CNTNAP2: variants seen among roughly 807,000 people sequenced by gnomAD.
The protein encoded by CNTNAP2 is contactin-associated protein-like 2.
CNTNAP2 carries 98 observed loss-of-function variants against 155.2 expected under a neutral mutation model. The observed-to-expected ratio is 0.63, with a 90% CI of 0.54 to 0.75. CNTNAP2 has a LOEUF of 0.75. Ranked by LOEUF, CNTNAP2 falls within the 30% of genes least tolerant of loss-of-function variation. CNTNAP2 has a pLI of 0.00. For missense variants in CNTNAP2, 1,727 were observed against 1,688.1 expected (o/e 1.02, Z -0.40); for synonymous variants, 651 against 631.2 (o/e 1.03, Z -0.47).
Position 146,572,401 on chromosome 7 carries a change from G to A in CNTNAP2, c.98-201870G>A, listed in dbSNP as rs577855724. ...TTTTTCTTTACAGTCTCAGACTTAG[G>A]GATGTCTTTCTTTGGATAAACTATT... On this transcript the variant is annotated intron_variant, in intron 1 of 23. Coordinates refer to ENST00000361727, the MANE Select transcript of CNTNAP2 (RefSeq NM_014141.6). 2.2e-4 allele frequency among the ~76,000 whole-genome samples: 34 copies of A among 151,778 alleles called. 1 individual carries two copies. The highest frequency in any genetic ancestry group is 1.1e-3 in the Admixed American group (16 of 15,234).
At chr7:147,176,117 T>C (rs1043756974) in intron 8 of CNTNAP2, among the ~76,000 whole-genome samples, 1 of 152,184 alleles carries the variant, frequency 6.6e-6, no homozygotes, top group African/African-American at 2.4e-5. Flanking sequence ...GAAAGGAGCC[T>C]CTCACCTGCA....
chr7:146,259,449 T>G (rs1799887824), intron 1 of CNTNAP2, among the ~76,000 whole-genome samples: 1 of 152,146 alleles, frequency 6.6e-6, no homozygotes, highest in Non-Finnish European at 1.5e-5. Flanking sequence ...ACCAAAATGC[T>G]ATAGTGATAT....
chr7:147,073,138 T>C (rs1003443497), intron 4 of CNTNAP2, among the ~76,000 whole-genome samples: 2 of 124,328 alleles, frequency 1.6e-5, no homozygotes, highest in Non-Finnish European at 3.5e-5. Context: ...TTTTTTTTTT[T>C]AACTTTTATT....
intron 22 of CNTNAP2, among the ~76,000 whole-genome samples, chr7:148,397,577 A>AAAT (rs1799496567): frequency 6.6e-6 from 1 of 152,224 alleles, no homozygotes; most frequent in Admixed American, 6.5e-5. Context: ...CCCTGCTACT[A>AAAT]AATACACTTT....
At chr7:147,225,164 G>C (rs543041508) in intron 8 of CNTNAP2, among the ~76,000 whole-genome samples, 1 of 152,174 alleles carries the variant, frequency 6.6e-6, no homozygotes, top group East Asian at 1.9e-4. Context: ...CAATTTAAAA[G>C]TTCTAAAATA....
At position 146,626,064 on chromosome 7, in the gene CNTNAP2, A is replaced by C. The variant is rs1034040496; in HGVS notation, c.98-148207A>C. ...GTGCTTTTGCTCAAATTTCAATTTCAGAGCTTCAAACTTGTGATACTTATC... is the reference window on the plus strand; with the variant it reads ...GTGCTTTTGCTCAAATTTCAATTTCCGAGCTTCAAACTTGTGATACTTATC... On this transcript the variant is annotated intron_variant, in intron 1 of 23. Coordinates refer to ENST00000361727, the MANE Select transcript of CNTNAP2 (RefSeq NM_014141.6). 2.6e-5 allele frequency among the ~76,000 whole-genome samples: 4 copies of C among 152,142 alleles called. No homozygotes were observed. In the East Asian group the frequency reaches 7.7e-4, roughly 29 times the overall value.
intron 14 of CNTNAP2, among the ~76,000 whole-genome samples, chr7:147,963,454 G>C (rs1801147719): frequency 6.6e-6 from 1 of 152,070 alleles, no homozygotes; most frequent in African/African-American, 2.4e-5. Context: ...ACTTTACAAG[G>C]CTTGAGGGAT....
chr7:147,551,079 C>T lies in CNTNAP2; in HGVS notation c.1778-11059C>T, dbSNP rs370114717. Among the ~76,000 whole-genome samples the T allele has an allele frequency of 1.6e-4, 24 of 152,260 alleles. No individual in the cohort carries two copies. In the East Asian group the frequency reaches 3.7e-3, roughly 23 times the overall value. Reference sequence around the variant, plus strand: ...AAAATTATGATATGGTTCTTATGTGCATTAAGGTAAACATTATCCAGAAAT... The same window carrying T: ...AAAATTATGATATGGTTCTTATGTGTATTAAGGTAAACATTATCCAGAAAT... On this transcript the variant is annotated intron_variant, in intron 11 of 23. Coordinates refer to ENST00000361727, the MANE Select transcript of CNTNAP2 (RefSeq NM_014141.6).
chr7:147,611,521 T>A (rs1314554852), intron 12 of CNTNAP2, among the ~76,000 whole-genome samples: 1 of 152,232 alleles, frequency 6.6e-6, no homozygotes, highest in Non-Finnish European at 1.5e-5. Context: ...AAATGGCTAA[T>A]GCTTTCCTAC....
chr7:147,850,968 C>G (rs1349027065), intron 13 of CNTNAP2, among the ~76,000 whole-genome samples: 3 of 152,164 alleles, frequency 2.0e-5, no homozygotes, highest in Non-Finnish European at 2.9e-5. Context: ...AAGAAACTAC[C>G]AGCAGAGTGA....
intron 1 of CNTNAP2, among the ~76,000 whole-genome samples, chr7:146,724,610 C>T (rs556941833): frequency 5.9e-4 from 71 of 120,582 alleles, no homozygotes; most frequent in Non-Finnish European, 7.9e-4. Flanking sequence ...CTCGCTCTGT[C>T]GCCAGGCTGG....
At chr7:147,678,441 C>T (rs948386002) in intron 13 of CNTNAP2, among the ~76,000 whole-genome samples, 9 of 151,862 alleles carry the variant, frequency 5.9e-5, no homozygotes, top group African/African-American at 2.2e-4. Flanking sequence ...TGCTTGATTT[C>T]CCAGTTGATT....
intron 17 of CNTNAP2, among the ~76,000 whole-genome samples, chr7:148,153,411 G>A (rs1472320245): frequency 1.3e-5 from 2 of 152,102 alleles, no homozygotes; most frequent in Non-Finnish European, 2.9e-5. Context: ...AAGAGACACA[G>A]AAAGAAAAAA....
At chr7:146,364,816 C>T (rs920849913) in intron 1 of CNTNAP2, among the ~76,000 whole-genome samples, 5 of 152,134 alleles carry the variant, frequency 3.3e-5, no homozygotes, top group Non-Finnish European at 7.4e-5. Flanking sequence ...CTACAGGAAC[C>T]TTTGAACATG....
intron 4 of CNTNAP2, among the ~76,000 whole-genome samples, chr7:147,061,715 C>T (rs1412159659): frequency 1.3e-5 from 2 of 152,092 alleles, no homozygotes; most frequent in Non-Finnish European, 2.9e-5. Flanking sequence ...TGATGGTCCA[C>T]CTATAAATAA....
At chr7:147,236,429 T>A (rs933872622) in intron 8 of CNTNAP2, among the ~76,000 whole-genome samples, 3 of 152,156 alleles carry the variant, frequency 2.0e-5, no homozygotes, top group Non-Finnish European at 4.4e-5. Flanking sequence ...TTGTTTTTTT[T>A]TTTTTAACAG....
At chr7:146,264,598 C>G (rs1231301072) in intron 1 of CNTNAP2, among the ~76,000 whole-genome samples, 1 of 152,050 alleles carries the variant, frequency 6.6e-6, no homozygotes, top group African/African-American at 2.4e-5. Context: ...CAAACGTTGA[C>G]AATGAAAACA....
At chr7:147,033,591 A>G (rs1332791704) in intron 3 of CNTNAP2, among the ~76,000 whole-genome samples, 1 of 152,054 alleles carries the variant, frequency 6.6e-6, no homozygotes, top group South Asian at 2.1e-4. Flanking sequence ...AACAAGACCT[A>G]TGAAATGTAG....
chr7:146,634,599 C>A (rs1320764813), intron 1 of CNTNAP2, among the ~76,000 whole-genome samples: 2 of 152,086 alleles, frequency 1.3e-5, no homozygotes, highest in Non-Finnish European at 2.9e-5. Context: ...TCTGATTATT[C>A]ATGAATATGT....
Sources: allele counts gnomAD v4.1 joint callset (sites outside exome capture counted in the v4.1 genomes callset), GRCh38; gene constraint gnomAD v4.1.1; transcripts MANE v1.5; gene names NCBI Gene and HGNC (gene_info 2026-07-23, HGNC 2026-07-21).